The following DCDC1 variants were observed in gnomAD, a reference collection of about 807,000 sequenced individuals.
DCDC1 encodes the protein doublecortin domain containing 1, also known as doublecortin domain-containing protein 1.
In DCDC1, 200 loss-of-function variants were observed where a neutral mutation model predicts 178.3. The ratio of observed to expected loss-of-function variants is 1.12; its 90% CI spans 1.00 to 1.26. DCDC1 has a LOEUF of 1.26. Among genes scored for constraint, DCDC1 ranks in the 50% most tolerant of loss-of-function variants. The pLI, the probability that DCDC1 is intolerant of heterozygous loss-of-function variation, is 0.00. For synonymous variants in DCDC1, 690 were observed against 604.8 expected, an observed-to-expected ratio of 1.14 and a Z score of -2.07; for missense variants, 1,983 against 1,749.2, an observed-to-expected ratio of 1.13 and a Z score of -2.38.
chr11:31,141,671 A>C (rs1963846996), intron 9 of DCDC1, among the ~76,000 whole-genome samples: 1 of 152,238 alleles, frequency 6.6e-6, no homozygotes, highest in Non-Finnish European at 1.5e-5. Context: ...CTTCATATAT[A>C]TTGACAAGTT....
chr11:30,975,110 A>G lies in DCDC1; in HGVS notation c.2592-22542T>C, dbSNP rs1950032389. On this transcript the variant is annotated intron_variant, in intron 20 of 38. Transcript: ENST00000684477. ...TTTGATAAAATACATCAAGAGAATGAGGTACAAAAACTGTAAGATTATCTC... is the reference window on the plus strand; with the variant it reads ...TTTGATAAAATACATCAAGAGAATGGGGTACAAAAACTGTAAGATTATCTC... 3.9e-5 allele frequency among the ~76,000 whole-genome samples: 6 copies of G among 152,168 alleles called. No individual in the cohort carries two copies. In the South Asian group the frequency reaches 1.2e-3, roughly 32 times the overall value.
chr11:30,927,687 A>T (rs1251772738), intron 22 of DCDC1, among the ~76,000 whole-genome samples: 2 of 152,216 alleles, frequency 1.3e-5, no homozygotes, highest in Non-Finnish European at 2.9e-5. Context: ...TTCTGTATCT[A>T]TTATTCTAAA....
chr11:31,278,173 G>T (rs1034981160), intron 7 of DCDC1, among the ~76,000 whole-genome samples: 4 of 152,006 alleles, frequency 2.6e-5, no homozygotes, highest in African/African-American at 9.7e-5. Context: ...ACTCTATCAA[G>T]AATGATTTAC....
At chr11:31,289,048 A>AAAAGAAAAAAGTAAGCT (rs1242670948) in intron 7 of DCDC1, among the ~76,000 whole-genome samples, 1 of 152,024 alleles carries the variant, frequency 6.6e-6, no homozygotes, top group African/African-American at 2.4e-5. Flanking sequence ...TACAAATCAT[A>AAAAGAAAAAAGTAAGCT]AAAGAAAAAA....
chr11:31,160,151 T>C (rs945854774), intron 9 of DCDC1, among the ~76,000 whole-genome samples: 1 of 152,206 alleles, frequency 6.6e-6, no homozygotes, highest in Non-Finnish European at 1.5e-5. Context: ...GTTTTATGAA[T>C]AAGATTCCTA....
intron 20 of DCDC1, among the ~76,000 whole-genome samples, chr11:30,956,603 A>G (rs1272150692): frequency 6.6e-6 from 1 of 152,130 alleles, no homozygotes; most frequent in African/African-American, 2.4e-5. Context: ...GAGAATCTAT[A>G]TTATAATATA....
chr11:30,956,091 C>A (rs748324989), intron 20 of DCDC1, among the ~76,000 whole-genome samples: 34 of 152,138 alleles, frequency 2.2e-4, no homozygotes, highest in Non-Finnish European at 4.4e-4. Flanking sequence ...ACCAAATATC[C>A]TTCAAAATAT....
At chr11:31,334,647 G>C (rs1950180663) in intron 2 of DCDC1, among the ~76,000 whole-genome samples, 1 of 152,188 alleles carries the variant, frequency 6.6e-6, no homozygotes, top group Non-Finnish European at 1.5e-5. Flanking sequence ...TCCCTCAGCT[G>C]CAGGTCTGTT....
intron 9 of DCDC1, among the ~76,000 whole-genome samples, chr11:31,173,968 T>G (rs1218428997): frequency 2.0e-5 from 3 of 152,048 alleles, no homozygotes; most frequent in Non-Finnish European, 4.4e-5. Context: ...TTGGCTGGGG[T>G]TGCCCACTCC....
At chr11:31,311,141 C>T (rs931974845) in intron 3 of DCDC1, among the ~76,000 whole-genome samples, 14 of 152,308 alleles carry the variant, frequency 9.2e-5, no homozygotes, top group South Asian at 2.1e-4. Flanking sequence ...ATATGACTTA[C>T]GTTCAAATTC....
chr11:31,184,000 C>A (rs1264515890), intron 9 of DCDC1, among the ~76,000 whole-genome samples: 5 of 152,112 alleles, frequency 3.3e-5, no homozygotes, highest in African/African-American at 1.2e-4. Context: ...GCAAAAAGAA[C>A]AAAGCTGGAG....
chr11:30,909,267 A>C (rs1462952948), intron 28 of DCDC1, among the ~76,000 whole-genome samples, 151 bp from the exon 29 acceptor site: 2 of 152,152 alleles, frequency 1.3e-5, no homozygotes, highest in Admixed American at 1.3e-4. Context: ...TAGTGATTAG[A>C]CATGCAATCT....
chr11:31,143,422 A>G (rs1964081317), intron 9 of DCDC1, among the ~76,000 whole-genome samples: 2 of 152,182 alleles, frequency 1.3e-5, no homozygotes, highest in African/African-American at 4.8e-5. Context: ...CAAGAAGCAG[A>G]GAGAAAGGGC....
chr11:30,873,101 G>GTC lies in DCDC1; in HGVS notation c.*40+5441_*40+5442dup, dbSNP rs552328701. On this transcript the variant is annotated intron_variant, in intron 38 of 38. Transcript: ENST00000684477. ...TCTGTCTCTCTCTCTGTCTCTCTCT[G>GTC]TCTCTCTCTCTCTCTCTCTATCTTC... 4.4e-3 allele frequency among the ~76,000 whole-genome samples: 642 copies of GTC among 145,872 alleles called. 2 individuals are homozygous for GTC. The highest frequency in any genetic ancestry group is 0.018 in the Middle Eastern group (5 of 274).
intron 20 of DCDC1, among the ~76,000 whole-genome samples, chr11:31,063,280 G>A (rs1337246812): frequency 6.6e-6 from 1 of 152,086 alleles, no homozygotes; most frequent in East Asian, 1.9e-4. Flanking sequence ...AACCATTGTG[G>A]AAGTCAGTGT....
intron 20 of DCDC1, among the ~76,000 whole-genome samples, chr11:30,958,426 A>C (rs1383260678): frequency 2.6e-5 from 4 of 152,136 alleles, no homozygotes; most frequent in African/African-American, 9.7e-5. Context: ...TAAGAGACCC[A>C]TTTTATGGCA....
At chr11:31,215,169 C>T (rs188120221) in intron 9 of DCDC1, 44 of 254,312 alleles carry the variant, frequency 1.7e-4, no homozygotes, top group African/African-American at 9.4e-4. Context: ...GTGGCTCACA[C>T]CTGTAGTCTC....
chr11:30,962,000 T>C (rs1696523473), intron 20 of DCDC1, among the ~76,000 whole-genome samples: 1 of 152,082 alleles, frequency 6.6e-6, no homozygotes, highest in African/African-American at 2.4e-5. Context: ...ATACATCAAA[T>C]ATTACTCTCT....
At chr11:31,152,239 G>A (rs953346773) in intron 9 of DCDC1, among the ~76,000 whole-genome samples, 3 of 152,066 alleles carry the variant, frequency 2.0e-5, no homozygotes, top group East Asian at 1.9e-4. Context: ...TTTTATTTTC[G>A]TAATCCTTAA....
Sources: gnomAD v4.1 joint callset for allele counts (sites outside exome capture counted in the v4.1 genomes callset) on GRCh38, gnomAD v4.1.1 for gene constraint, MANE v1.5 for transcripts, NCBI Gene and HGNC (gene_info 2026-07-23, HGNC 2026-07-21) for gene names.